SDK1: variants seen among roughly 807,000 people sequenced by gnomAD.
SDK1 encodes sidekick cell adhesion molecule 1, also known as protein sidekick-1.
In SDK1, 157 loss-of-function variants were observed where a neutral mutation model predicts 245.5. That is an observed-to-expected ratio of 0.64 (90% CI 0.56 to 0.73). SDK1 has a LOEUF of 0.73. Among genes scored for constraint, SDK1 ranks in the 30% least tolerant of loss-of-function variants. SDK1 has a pLI of 0.00. For synonymous variants in SDK1, 1,647 were observed against 1,278.5 expected (o/e 1.29, Z -6.15); for missense variants, 3,583 against 3,002.3 (o/e 1.19, Z -4.52).
intron 5 of SDK1, among the ~76,000 whole-genome samples, chr7:3,881,153 G>T (rs571827824): frequency 1.3e-5 from 2 of 151,768 alleles, no homozygotes; most frequent in African/African-American, 4.8e-5. Flanking sequence ...GGTTTGTTAC[G>T]CAGGTAAACC....
Position 4,220,197 on chromosome 7 carries a change from C to T in SDK1, c.5628C>T (p.Phe1876=), listed in dbSNP as rs1248610291. The T allele has an allele frequency of 6.2e-7, 1 of 1,613,990 alleles. No individual in the cohort carries two copies. Among genetic ancestry groups the T allele is most frequent in the Non-Finnish European group, 8.5e-7 (1 of 1,180,036 alleles). ...ACCTCACCAAGGGAGTGACCTATTT[C>T]TTCCGTGTCCAAGCGCGGACCATCA... The part of the protein sequence containing the change: ...VRDLTKGVTY[F]FRVQARTITY... Residue 1876 remains phenylalanine, a synonymous_variant, in exon 39 of 45, where the codon TTC becomes TTT. Coordinates refer to ENST00000404826, the MANE Select transcript of SDK1 (RefSeq NM_152744.4).
chr7:3,567,337 G>C (rs368607115), intron 1 of SDK1, among the ~76,000 whole-genome samples: 9 of 152,190 alleles, frequency 5.9e-5, no homozygotes, highest in Non-Finnish European at 1.0e-4. Context: ...AGAAGTACTT[G>C]TGAGAGTAAA....
chr7:3,954,154 G>A (rs1031412319), intron 7 of SDK1, among the ~76,000 whole-genome samples: 2 of 151,686 alleles, frequency 1.3e-5, no homozygotes, highest in Non-Finnish European at 1.5e-5. Context: ...TCTGTGGCTT[G>A]AATGAGAGCA....
intron 34 of SDK1, 109 bp from the exon 35 acceptor site, chr7:4,178,376 C>A: frequency 1.3e-6 from 1 of 793,024 alleles, no homozygotes; most frequent in South Asian, 1.5e-5. Flanking sequence ...AATCCCGCCT[C>A]CTCTCCTTGG....
At chr7:3,828,663 T>TTTTTTTTTTTTTTTTA (rs1779838989) in intron 5 of SDK1, among the ~76,000 whole-genome samples, 1 of 63,694 alleles carries the variant, frequency 1.6e-5, no homozygotes. Context: ...TTTTTTTTTT[T>TTTTTTTTTTTTTTTTA]TTGTTTTTTT....
intron 14 of SDK1, among the ~76,000 whole-genome samples, chr7:4,007,674 G>C (rs928586050): frequency 6.6e-6 from 1 of 151,970 alleles, no homozygotes; most frequent in African/African-American, 2.4e-5. Context: ...GCGCGGTCTC[G>C]ACTCCCTACA....
intron 5 of SDK1, 55 bp from the exon 6 acceptor site, chr7:3,950,868 G>T: frequency 7.4e-7 from 1 of 1,346,822 alleles, no homozygotes; most frequent in Non-Finnish European, 1.0e-6. Context: ...AGATAACGGC[G>T]GGGGGTGCTC....
intron 19 of SDK1, among the ~76,000 whole-genome samples, chr7:4,065,797 G>A (rs1426349896): frequency 7.1e-6 from 1 of 141,600 alleles, no homozygotes; most frequent in Non-Finnish European, 1.5e-5. Context: ...CCAACTCAGT[G>A]CTCGGTATGG....
At chr7:3,631,370 C>G (rs1303825131) in intron 2 of SDK1, among the ~76,000 whole-genome samples, 2 of 152,156 alleles carry the variant, frequency 1.3e-5, no homozygotes, top group Non-Finnish European at 2.9e-5. Context: ...GTGTGTAACT[C>G]CCATCTACAT....
rs1216730682 is a variant in SDK1, at chr7:4,067,847, C to T, written c.2921C>T (p.Ala974Val). The T allele has an allele frequency of 6.2e-7, 1 of 1,612,168 alleles. No individual in the cohort carries two copies. The change falls in exon 20 of 45, where the codon GCT becomes GTT. Residue 974 changes from alanine to valine, a missense_variant. Physicochemically the swap from Ala to Val is moderately conservative, Grantham distance 64 (BLOSUM62 0). Transcript: ENST00000404826. ...LVWTQEDKPG[A>V]VGHLSFTEIL... is the part of the protein sequence containing the mutation. ...TGCTTTTAATTGGTAGAACCAGGAG[C>T]TGTGGGACATCTGAGTTTCACAGAG...
intron 4 of SDK1, among the ~76,000 whole-genome samples, chr7:3,759,484 G>C (rs552453446): frequency 1.8e-4 from 27 of 152,096 alleles, no homozygotes; most frequent in Non-Finnish European, 3.7e-4. Flanking sequence ...ACTGTGGACT[G>C]TCTCCCTGCA....
intron 1 of SDK1, among the ~76,000 whole-genome samples, chr7:3,316,727 C>A (rs908942660): frequency 6.6e-5 from 10 of 152,134 alleles, no homozygotes; most frequent in African/African-American, 2.4e-4. Flanking sequence ...TGGAGCTCTA[C>A]AAATCACTGC....
chr7:3,521,503 C>T (rs978369582), intron 1 of SDK1, among the ~76,000 whole-genome samples: 1 of 152,086 alleles, frequency 6.6e-6, no homozygotes, highest in African/African-American at 2.4e-5. Flanking sequence ...AGTCCTGACA[C>T]ACGAGTTGGT....
chr7:3,736,567 C>T (rs775661591), intron 4 of SDK1, among the ~76,000 whole-genome samples: 17 of 152,138 alleles, frequency 1.1e-4, no homozygotes, highest in African/African-American at 3.4e-4. Context: ...CCACCATGCC[C>T]GGCCACATTA....
chr7:3,525,508 G>T (rs913917966), intron 1 of SDK1, among the ~76,000 whole-genome samples: 3 of 152,050 alleles, frequency 2.0e-5, no homozygotes, highest in African/African-American at 7.2e-5. Context: ...ACTGAACTCG[G>T]CATCTCCCAG....
At chr7:3,725,020 T>C (rs1015136776) in intron 4 of SDK1, among the ~76,000 whole-genome samples, 4 of 152,264 alleles carry the variant, frequency 2.6e-5, no homozygotes, top group African/African-American at 9.6e-5. Flanking sequence ...TGCATTAGCT[T>C]AGACTTTCTT....
intron 44 of SDK1, among the ~76,000 whole-genome samples, chr7:4,252,139 G>A (rs1787341569): frequency 6.6e-6 from 1 of 151,910 alleles, no homozygotes; most frequent in South Asian, 2.1e-4. Flanking sequence ...CATGTGCCAT[G>A]TTGGTGTGCT....
intron 4 of SDK1, among the ~76,000 whole-genome samples, chr7:3,671,916 A>C (rs1224332150): frequency 6.6e-6 from 1 of 152,122 alleles, no homozygotes; most frequent in Non-Finnish European, 1.5e-5. Context: ...TTGTGTTTAT[A>C]ATGTGGAGGA....
intron 5 of SDK1, among the ~76,000 whole-genome samples, chr7:3,911,148 A>T (rs1274169746): frequency 6.6e-6 from 1 of 152,222 alleles, no homozygotes; most frequent in African/African-American, 2.4e-5. Context: ...ACACATAAAA[A>T]AAATTACAGA....
Sources: gnomAD v4.1 joint callset for allele counts (sites outside exome capture counted in the v4.1 genomes callset) on GRCh38, gnomAD v4.1.1 for gene constraint, MANE v1.5 for transcripts, NCBI Gene and HGNC (gene_info 2026-07-23, HGNC 2026-07-21) for gene names.